The following MBP variants were observed in gnomAD, a reference collection of about 807,000 sequenced individuals.
MBP encodes the protein myelin basic protein, also known as Golli-MBP.
In MBP, 16 loss-of-function variants were observed where a neutral mutation model predicts 35.8. The observed-to-expected ratio is 0.45, with a 90% confidence interval of 0.30 to 0.68. The LOEUF is 0.68. Among genes scored for constraint, MBP ranks in the 30% least tolerant of loss-of-function variants. MBP has a pLI of 0.08. For missense variants in MBP, 380 were observed against 404.7 expected (o/e 0.94, Z 0.52); for synonymous variants, 143 against 159.6 (o/e 0.90, Z 0.78).
chr18:77,004,948 C>T (rs567763225), intron 4 of MBP: 1 of 152,182 alleles, frequency 6.6e-6, no homozygotes, highest in East Asian at 1.9e-4. Flanking sequence ...CCTTTGGGGG[C>T]CTTTGCCTCT....
At chr18:77,041,549 CTGGA>C (rs1314720419) in intron 3 of MBP, among the ~76,000 whole-genome samples, 1 of 152,004 alleles carries the variant, frequency 6.6e-6, no homozygotes, top group African/African-American at 2.4e-5. Context: ...CAATGATAGA[CTGGA>C]TGAAGAAAAT....
At chr18:77,008,399 T>C (rs1971125032) in intron 4 of MBP, among the ~76,000 whole-genome samples, 1 of 152,098 alleles carries the variant, frequency 6.6e-6, no homozygotes, top group South Asian at 2.1e-4. Context: ...CGGGTAGTGG[T>C]GGTGTTTTCC....
chr18:77,070,381 G>A (rs1436624262), intron 2 of MBP, among the ~76,000 whole-genome samples: 1 of 152,206 alleles, frequency 6.6e-6, no homozygotes, highest in Non-Finnish European at 1.5e-5. Context: ...ACCTATGTAA[G>A]AATCTGTTTC....
At chr18:77,122,498 G>C (rs377069368) in intron 1 of MBP, among the ~76,000 whole-genome samples, 1 of 144,408 alleles carries the variant, frequency 6.9e-6, no homozygotes, top group African/African-American at 2.9e-5. Context: ...AGTGAACTGC[G>C]GCATAGAAGA....
rs945156227 is a variant in MBP, at chr18:77,102,771, A to G, written c.51+2440T>C. 3.2e-4 allele frequency among the ~76,000 whole-genome samples: 49 copies of G among 152,218 alleles called. No homozygotes were observed. The highest frequency in any genetic ancestry group is 9.9e-4 in the African/African-American group (41 of 41,458). On this transcript the variant is annotated intron_variant, in intron 2 of 8. Transcript: ENST00000355994. This position sits in a 1 kb window ranked among gnomAD's most constrained non-coding sequence, Gnocchi z 4.4. Reference sequence around the variant, plus strand: ...GGAGTTGCAAATCAGTCATTCTAAGACTTAAAATACCAACAGTGTTAACAG... The same window carrying G: ...GGAGTTGCAAATCAGTCATTCTAAGGCTTAAAATACCAACAGTGTTAACAG...
chr18:76,988,491 C>G lies in MBP; in HGVS notation c.750+4G>C, dbSNP rs763918437. ...AAGCCGATGGAAGTGCGTTCGTCACCTACCCAGCTAAATCTGCTCAGGGAC... is the reference window on the plus strand; with the variant it reads ...AAGCCGATGGAAGTGCGTTCGTCACGTACCCAGCTAAATCTGCTCAGGGAC... On this transcript the variant is annotated splice_donor_region_variant and intron_variant, in intron 7 of 8. Coordinates refer to ENST00000355994, the MANE Select transcript of MBP (RefSeq NM_001025101.2). The surrounding 1 kb of genome is among the most constrained non-coding windows in gnomAD (Gnocchi z 5.2). The G allele has an allele frequency of 1.9e-6, 3 of 1,614,212 alleles. No homozygotes were observed.
intron 3 of MBP, among the ~76,000 whole-genome samples, chr18:77,065,147 T>G (rs1057104604): frequency 3.9e-5 from 6 of 152,250 alleles, no homozygotes; most frequent in Non-Finnish European, 8.8e-5. Flanking sequence ...GTTCATTTTC[T>G]ATTGCTATAA....
chr18:77,129,000 T>G (rs1369631573), intron 1 of MBP, among the ~76,000 whole-genome samples: 2 of 152,262 alleles, frequency 1.3e-5, no homozygotes, highest in East Asian at 3.8e-4. Context: ...AAAAAATCTT[T>G]TTGCCATCTT....
intron 4 of MBP, 154 bp downstream of exon 4, chr18:77,016,678 A>T (rs748451805): frequency 4.3e-5 from 62 of 1,435,602 alleles, no homozygotes; most frequent in Non-Finnish European, 5.6e-5. Context: ...TCAGGCCCAC[A>T]CTCTTGGGCT....
intron 3 of MBP, among the ~76,000 whole-genome samples, chr18:77,046,806 A>T (rs962986434): frequency 2.6e-5 from 4 of 152,238 alleles, no homozygotes; most frequent in Admixed American, 2.6e-4. Context: ...CGGGAGGGAA[A>T]GCTTTTGTTC....
At chr18:77,091,533 CCA>C (rs1312661748) in intron 2 of MBP, among the ~76,000 whole-genome samples, 1 of 151,956 alleles carries the variant, frequency 6.6e-6, no homozygotes, top group East Asian at 1.9e-4. Context: ...CGGGAAGAGG[CCA>C]CACAGTGTTC....
intron 1 of MBP, among the ~76,000 whole-genome samples, chr18:77,122,624 C>G (rs1383798103): frequency 6.6e-6 from 1 of 152,220 alleles, no homozygotes; most frequent in Non-Finnish European, 1.5e-5. Flanking sequence ...CTCACTGCAA[C>G]CTCCGCCTCC....
intron 3 of MBP, among the ~76,000 whole-genome samples, chr18:77,043,267 C>G (rs1402315040): frequency 6.6e-6 from 1 of 152,006 alleles, no homozygotes; most frequent in Non-Finnish European, 1.5e-5. Flanking sequence ...TTGCGTGAAC[C>G]TTGAATAAGT....
chr18:77,074,056 G>GGGTCCTT (rs1974552509), intron 2 of MBP, among the ~76,000 whole-genome samples: 1 of 152,208 alleles, frequency 6.6e-6, no homozygotes, highest in African/African-American at 2.4e-5. Context: ...CCTTAGCTCA[G>GGGTCCTT]AGATGAGACT....
At chr18:77,039,579 G>C (rs1015022876) in intron 3 of MBP, among the ~76,000 whole-genome samples, 3 of 152,188 alleles carry the variant, frequency 2.0e-5, no homozygotes, top group Admixed American at 6.5e-5. Flanking sequence ...ATACCCAAGG[G>C]CCACCCTAGA....
Position 77,020,519 on chromosome 18 carries a change from T to G in MBP, c.140-3251A>C, listed in dbSNP as rs921337. 0.057 allele frequency among the ~76,000 whole-genome samples: 8,617 copies of G among 152,220 alleles called. 403 individuals carry two copies. The highest frequency in any genetic ancestry group is 0.12 in the African/African-American group (5,133 of 41,504). On this transcript the variant is annotated intron_variant, in intron 3 of 8. Transcript: ENST00000355994. The surrounding 1 kb of genome is among the most constrained non-coding windows in gnomAD (Gnocchi z 4.1). ...ATGACTCATTGCAATGAGAGGTGCA[T>G]GGCGAAGTCCAGGAACCCCTCCTCA...
intron 4 of MBP, chr18:77,015,272 T>C: frequency 1.0e-6 from 1 of 985,476 alleles, no homozygotes; most frequent in Non-Finnish European, 1.2e-6. Flanking sequence ...TACATTTTTT[T>C]TTTCTGTACC....
Position 76,980,410 on chromosome 18 carries a change from C to A in MBP, c.*17G>T. ...TATTAAGAAGCTGAGGACAGGATTC[C>A]GGAACCAGGTGGGTTTTCAGCGTCT... On this transcript the variant is annotated 3_prime_UTR_variant, in exon 9 of 9. Transcript: ENST00000355994. The A allele has an allele frequency of 6.2e-7, 1 of 1,611,402 alleles. No homozygotes were observed. The highest frequency in any genetic ancestry group is 8.5e-7 in the Non-Finnish European group (1 of 1,177,628).
chr18:77,002,753 A>G (rs1435310143), intron 4 of MBP: 1 of 152,244 alleles, frequency 6.6e-6, no homozygotes, highest in African/African-American at 2.4e-5. Flanking sequence ...TGAACGTAGG[A>G]TGAGAGGCTC....
Sources: allele counts gnomAD v4.1 joint callset (sites outside exome capture counted in the v4.1 genomes callset), GRCh38; gene constraint gnomAD v4.1.1; non-coding constraint Gnocchi (gnomAD v3.1); transcripts MANE v1.5; gene names NCBI Gene and HGNC (gene_info 2026-07-23, HGNC 2026-07-21).